Variants in SUMF1 observed in about 807,000 individuals in gnomAD.
SUMF1 encodes the protein formylglycine-generating enzyme.
Under a neutral mutation model 47.6 loss-of-function variants are expected in SUMF1, and 48 were observed. The ratio of observed to expected loss-of-function variants is 1.01; its 90% confidence interval spans 0.80 to 1.28. The LOEUF (loss-of-function observed/expected upper bound fraction) is 1.28. Ranked by LOEUF, SUMF1 falls within the 50% of genes most tolerant of loss-of-function variation. The pLI, the probability that SUMF1 is intolerant of heterozygous loss-of-function variation, is 0.00. For synonymous variants in SUMF1, 230 were observed against 192.1 expected (o/e 1.20, Z -1.63); for missense variants, 571 against 485.4 (o/e 1.18, Z -1.66).
At chr3:4,382,952 G>C (rs1700555663) in intron 7 of SUMF1, among the ~76,000 whole-genome samples, 1 of 152,136 alleles carries the variant, frequency 6.6e-6, no homozygotes, top group Admixed American at 6.5e-5. Flanking sequence ...GATAGCATTA[G>C]GAGAAATACC....
chr3:4,189,873 C>A (rs1695279062), intron 8 of SUMF1, among the ~76,000 whole-genome samples: 1 of 152,114 alleles, frequency 6.6e-6, no homozygotes, highest in Non-Finnish European at 1.5e-5. Flanking sequence ...GTTCCTCCAA[C>A]AGATTAGCTC....
chr3:4,204,120 T>C (rs1313982945), intron 8 of SUMF1, among the ~76,000 whole-genome samples: 2 of 152,086 alleles, frequency 1.3e-5, no homozygotes, highest in Non-Finnish European at 2.9e-5. Context: ...TAATGGTCTT[T>C]TCCTTCAGAC....
chr3:4,303,688 CT>C (rs1456604529), intron 8 of SUMF1: 11 of 1,500,260 alleles, frequency 7.3e-6, no homozygotes, highest in Admixed American at 6.3e-5. Context: ...CGGCCTGGGC[CT>C]TTTTCTGTTG....
chr3:4,251,151 A>G (rs950558934), intron 8 of SUMF1, among the ~76,000 whole-genome samples: 1 of 152,206 alleles, frequency 6.6e-6, no homozygotes, highest in African/African-American at 2.4e-5. Flanking sequence ...TCAAAATATC[A>G]GCACTAATAG....
intron 8 of SUMF1, among the ~76,000 whole-genome samples, chr3:4,182,594 A>G (rs1695119375): frequency 6.6e-6 from 1 of 152,010 alleles, no homozygotes; most frequent in African/African-American, 2.4e-5. Flanking sequence ...TTGTTCTGCT[A>G]TATATTCCAC....
At chr3:4,187,316 C>G (rs1306558110) in intron 8 of SUMF1, among the ~76,000 whole-genome samples, 1 of 152,196 alleles carries the variant, frequency 6.6e-6, no homozygotes, top group Non-Finnish European at 1.5e-5. Context: ...TTGCAGTGAG[C>G]TAGTATCGTG....
At chr3:4,268,573 A>C (rs1697245130) in intron 8 of SUMF1, among the ~76,000 whole-genome samples, 2 of 148,984 alleles carry the variant, frequency 1.3e-5, no homozygotes, top group Non-Finnish European at 3.0e-5. Context: ...CTGTTGGCAC[A>C]GGAAACACTA....
intron 3 of SUMF1, among the ~76,000 whole-genome samples, chr3:4,420,500 G>A (rs991257712): frequency 2.7e-5 from 4 of 150,402 alleles, no homozygotes; most frequent in East Asian, 2.0e-4. Context: ...AGGTTCAACC[G>A]ATTCTCCTGC....
chr3:4,248,692 C>T (rs1696724115), intron 8 of SUMF1, among the ~76,000 whole-genome samples: 1 of 152,164 alleles, frequency 6.6e-6, no homozygotes, highest in South Asian at 2.1e-4. Flanking sequence ...TTCCTGCTTC[C>T]ACCTGGAATC....
intron 9 of SUMF1, among the ~76,000 whole-genome samples, chr3:4,047,633 C>A (rs962755188): frequency 6.6e-6 from 1 of 151,994 alleles, no homozygotes; most frequent in Non-Finnish European, 1.5e-5. Context: ...ACCATTCCAG[C>A]CATACTAAGG....
chr3:4,168,192 C>G (rs1448785192), intron 8 of SUMF1, among the ~76,000 whole-genome samples: 2 of 152,148 alleles, frequency 1.3e-5, no homozygotes, highest in African/African-American at 4.8e-5. Context: ...AACATGATCA[C>G]AACCCCCATG....
chr3:4,417,855 C>T (rs1268941736), intron 5 of SUMF1, among the ~76,000 whole-genome samples, 155 bp downstream of exon 5: 1 of 152,290 alleles, frequency 6.6e-6, no homozygotes, highest in East Asian at 1.9e-4. Flanking sequence ...GACCCATTCT[C>T]CAGTGTCTTC....
intron 9 of SUMF1, among the ~76,000 whole-genome samples, chr3:4,056,397 G>A (rs114836353): frequency 6.6e-6 from 1 of 152,086 alleles, no homozygotes; most frequent in Non-Finnish European, 1.5e-5. Flanking sequence ...TTATTGGTCA[G>A]ACATGGTGGT....
At chr3:4,176,521 A>C (rs1187243281) in intron 8 of SUMF1, among the ~76,000 whole-genome samples, 1 of 152,208 alleles carries the variant, frequency 6.6e-6, no homozygotes, top group Non-Finnish European at 1.5e-5. Flanking sequence ...CCTGCCTTAC[A>C]ATAGCTGCTG....
intron 7 of SUMF1, among the ~76,000 whole-genome samples, chr3:4,388,509 C>T (rs1350733621): frequency 6.6e-6 from 1 of 151,912 alleles, no homozygotes; most frequent in Non-Finnish European, 1.5e-5. Flanking sequence ...TTTTAATCTA[C>T]TATGCCAATC....
At chr3:4,242,733 TC>T (rs1355019967) in intron 8 of SUMF1, among the ~76,000 whole-genome samples, 18 of 152,298 alleles carry the variant, frequency 1.2e-4, no homozygotes, top group African/African-American at 4.1e-4. Flanking sequence ...CCTAAATTTT[TC>T]TCTTTTTGCT....
chr3:4,178,417 T>C (rs1009920553), intron 8 of SUMF1, among the ~76,000 whole-genome samples: 4 of 152,146 alleles, frequency 2.6e-5, no homozygotes. Context: ...AATCCATCAA[T>C]AAACAGAACC....
chr3:4,257,464 A>G (rs1221763288), intron 8 of SUMF1, among the ~76,000 whole-genome samples: 4 of 150,686 alleles, frequency 2.7e-5, no homozygotes, highest in Non-Finnish European at 5.9e-5. Flanking sequence ...TTATACACCA[A>G]CAACAGACAA....
chr3:4,313,142 A>T (rs138879830), intron 8 of SUMF1: 471 of 1,613,950 alleles, frequency 2.9e-4, no homozygotes, highest in Non-Finnish European at 3.6e-4. Flanking sequence ...AGAGTGGTCC[A>T]GAAAGGTCTA....
Sources: gnomAD v4.1 joint callset for allele counts (sites outside exome capture counted in the v4.1 genomes callset) on GRCh38, gnomAD v4.1.1 for gene constraint, MANE v1.5 for transcripts, NCBI Gene and HGNC (gene_info 2026-07-23, HGNC 2026-07-21) for gene names.